DAB1: variants seen among roughly 807,000 people sequenced by gnomAD.
DAB1 encodes DAB adaptor protein 1, also known as disabled homolog 1.
DAB1 carries 15 observed loss-of-function variants against 64.6 expected under a neutral mutation model. That is an observed-to-expected ratio of 0.23 (90% CI 0.16 to 0.36). The LOEUF is 0.36. Ranked by LOEUF, DAB1 falls within the 10% of genes least tolerant of loss-of-function variation. The pLI is 1.00. For synonymous variants in DAB1, 235 were observed against 251.9 expected (o/e 0.93, Z 0.64); for missense variants, 596 against 706.7 (o/e 0.84, Z 1.78).
chr1:57,756,672 A>G (rs1648822814), intron 6 of DAB1, among the ~76,000 whole-genome samples: 1 of 148,878 alleles, frequency 6.7e-6, no homozygotes. Flanking sequence ...TACTGCAGGC[A>G]ATAAAAAAAA....
intron 6 of DAB1, among the ~76,000 whole-genome samples, chr1:57,751,565 G>C (rs543323075): frequency 4.6e-5 from 7 of 152,216 alleles, no homozygotes; most frequent in African/African-American, 1.7e-4. Flanking sequence ...AGGCTGACCA[G>C]ATCAAAGGCT....
intron 2 of DAB1, among the ~76,000 whole-genome samples, chr1:57,255,512 T>C (rs1331221110): frequency 2.0e-5 from 3 of 151,898 alleles, no homozygotes; most frequent in African/African-American, 4.8e-5. Context: ...ACAAAAAAAT[T>C]AGCTGGATGT....
intron 1 of DAB1, among the ~76,000 whole-genome samples, chr1:57,393,528 C>CA (rs1348124607): frequency 0.015 from 2,214 of 145,752 alleles, 52 homozygotes; most frequent in African/African-American, 0.052. Context: ...TCCATCTCTA[C>CA]AAAAAAAAAA....
chr1:57,102,106 A>G (rs938440987), intron 4 of DAB1, among the ~76,000 whole-genome samples: 25 of 152,212 alleles, frequency 1.6e-4, no homozygotes, highest in African/African-American at 6.0e-4. Flanking sequence ...TCAAATTTCA[A>G]TGCAGTGCGG....
chr1:57,843,892 G>A (rs1653160962), intron 1 of DAB1, among the ~76,000 whole-genome samples: 1 of 152,134 alleles, frequency 6.6e-6, no homozygotes, highest in South Asian at 2.1e-4. Context: ...ATTTGCTCAG[G>A]ATGTGGTATA....
chr1:57,020,396 C>A (rs565088617), intron 11 of DAB1, among the ~76,000 whole-genome samples: 1 of 152,182 alleles, frequency 6.6e-6, no homozygotes, highest in African/African-American at 2.4e-5. Context: ...TAGAAAAACT[C>A]TATGAGGTAG....
chr1:57,922,770 C>T lies in DAB1; in HGVS notation n.388-38608G>A, dbSNP rs1055001350. Among the ~76,000 whole-genome samples, 5 of 132,812 alleles carry T rather than the reference C, an allele frequency of 3.8e-5. No individual in the cohort carries two copies. In the South Asian group the frequency reaches 9.8e-4, roughly 26 times the overall value. 87.1% of individuals were successfully genotyped at this position (132,812 alleles called of 152,430 possible). On this transcript the variant is annotated intron_variant and non_coding_transcript_variant, in intron 5 of 20. Coordinates refer to the DAB1 transcript ENST00000485760. ...CTGAGGCAGGAGAATGGCATGAACCCGGGAGGCAGAGCTTGCAGTGAGCCG... is the reference window on the plus strand; with the variant it reads ...CTGAGGCAGGAGAATGGCATGAACCTGGGAGGCAGAGCTTGCAGTGAGCCG...
intron 7 of DAB1, among the ~76,000 whole-genome samples, chr1:57,641,778 T>C (rs1214782701): frequency 1.3e-5 from 2 of 152,180 alleles, no homozygotes; most frequent in Middle Eastern, 3.2e-3. Context: ...TATTCAAATC[T>C]TTTCCTTTGC....
At chr1:58,335,616 C>T (rs1286256334) in intron 4 of DAB1, among the ~76,000 whole-genome samples, 3 of 151,732 alleles carry the variant, frequency 2.0e-5, no homozygotes, top group African/African-American at 7.3e-5. Context: ...CGGGGGATAA[C>T]CAGGAAGCTA....
At chr1:58,205,877 C>T (rs1658248200) in intron 4 of DAB1, among the ~76,000 whole-genome samples, 2 of 152,304 alleles carry the variant, frequency 1.3e-5, no homozygotes, top group South Asian at 4.1e-4. Context: ...ACCAATCTGT[C>T]CCAGAATCTG....
At chr1:58,180,201 T>A (rs1176282208) in intron 4 of DAB1, among the ~76,000 whole-genome samples, 2 of 151,560 alleles carry the variant, frequency 1.3e-5, no homozygotes, top group Non-Finnish European at 2.9e-5. Context: ...TGGGTTTGAA[T>A]TGCTATTATT....
intron 1 of DAB1, among the ~76,000 whole-genome samples, chr1:57,346,362 G>T (rs959810999): frequency 2.0e-5 from 3 of 152,156 alleles, no homozygotes; most frequent in Non-Finnish European, 4.4e-5. Flanking sequence ...TTGATGTGAA[G>T]GCAGAATTTT....
chr1:58,003,946 G>C (rs952966456), intron 5 of DAB1, among the ~76,000 whole-genome samples: 1 of 152,196 alleles, frequency 6.6e-6, no homozygotes, highest in African/African-American at 2.4e-5. Flanking sequence ...ACGGGAAGTG[G>C]GGGTCAGAAT....
intron 3 of DAB1, chr1:58,469,078 A>T (rs767313505): frequency 4.7e-6 from 1 of 213,676 alleles, no homozygotes; most frequent in African/African-American, 2.3e-5. Flanking sequence ...GTCCTAAGGG[A>T]CTGTCTCAAG....
chr1:57,750,043 T>A (rs1369158604), intron 6 of DAB1, among the ~76,000 whole-genome samples: 1 of 152,164 alleles, frequency 6.6e-6, no homozygotes, highest in East Asian at 1.9e-4. Flanking sequence ...AAGGATGGAA[T>A]GTCTCATTGG....
At chr1:57,830,588 A>T (rs1040016822) in intron 1 of DAB1, among the ~76,000 whole-genome samples, 7 of 151,368 alleles carry the variant, frequency 4.6e-5, no homozygotes, top group African/African-American at 1.7e-4. Flanking sequence ...ACACATGAAA[A>T]ATATATATAT....
chr1:58,475,474 T>A (rs1425787824), intron 3 of DAB1, among the ~76,000 whole-genome samples: 7 of 132,814 alleles, frequency 5.3e-5, no homozygotes, highest in African/African-American at 2.2e-4. Flanking sequence ...ATTAGGTTAA[T>A]TAAACACACA....
intron 5 of DAB1, among the ~76,000 whole-genome samples, chr1:58,126,662 T>C (rs533177059): frequency 7.4e-6 from 1 of 135,372 alleles, no homozygotes; most frequent in African/African-American, 2.8e-5. Context: ...CCTGTGTCCA[T>C]GTGATCTCAT....
At chr1:57,742,716 T>C (rs1648061425) in intron 6 of DAB1, among the ~76,000 whole-genome samples, 1 of 152,124 alleles carries the variant, frequency 6.6e-6, no homozygotes, top group Non-Finnish European at 1.5e-5. Context: ...TCTGGGAATA[T>C]GCCTGGGAAC....
Sources: gnomAD v4.1 joint callset for allele counts (sites outside exome capture counted in the v4.1 genomes callset) on GRCh38, gnomAD v4.1.1 for gene constraint, MANE v1.5 for transcripts, NCBI Gene and HGNC (gene_info 2026-07-23, HGNC 2026-07-21) for gene names.